The following AFF2 variants were observed in gnomAD, a reference collection of about 807,000 sequenced individuals.
The protein encoded by AFF2 is AF4/FMR2 family member 2.
Under a neutral mutation model 76.9 loss-of-function variants are expected in AFF2, and 14 were observed. The observed-to-expected ratio is 0.18, with a 90% CI of 0.12 to 0.28. The LOEUF (loss-of-function observed/expected upper bound fraction) is 0.28. Among genes scored for constraint, AFF2 ranks in the 10% least tolerant of loss-of-function variants. AFF2 has a pLI of 1.00. For missense variants in AFF2, 868 were observed against 1,001.1 expected (o/e 0.87, Z 1.79); for synonymous variants, 398 against 366.7 (o/e 1.09, Z -0.98).
At chrX:148,927,096 T>A (rs2071659399) in intron 9 of AFF2, among the ~76,000 whole-genome samples, 1 of 112,168 alleles carries the variant, frequency 8.9e-6, no homozygotes, top group African/African-American at 3.2e-5. Context: ...GATTTTTTCT[T>A]ATGGTATGCC....
At chrX:148,927,232 A>G (rs1557283868) in intron 9 of AFF2, among the ~76,000 whole-genome samples, 1 of 112,140 alleles carries the variant, frequency 8.9e-6, no homozygotes, top group African/African-American at 3.2e-5. Context: ...ATTTAGAGAG[A>G]GGCAGGGAGT....
intron 1 of AFF2, among the ~76,000 whole-genome samples, chrX:148,594,851 T>C (rs1378256140): frequency 1.8e-5 from 2 of 112,058 alleles, no homozygotes; most frequent in African/African-American, 6.5e-5. Flanking sequence ...AATGGAACTT[T>C]ATTTTTTGGA....
At chrX:148,692,708 G>C (rs1373029425) in intron 3 of AFF2, among the ~76,000 whole-genome samples, 1 of 111,140 alleles carries the variant, frequency 9.0e-6, no homozygotes, top group African/African-American at 3.3e-5. Context: ...TGCTTTCTTA[G>C]GTTTTCTCTT....
chrX:148,566,980 G>A (rs1557241725), intron 1 of AFF2, among the ~76,000 whole-genome samples: 1 of 111,588 alleles, frequency 9.0e-6, no homozygotes, highest in African/African-American at 3.3e-5. Context: ...TTTGTGTAAT[G>A]CCTGTCTGCC....
intron 9 of AFF2, among the ~76,000 whole-genome samples, chrX:148,944,135 C>A (rs1557285889): frequency 8.9e-6 from 1 of 112,380 alleles, no homozygotes. Context: ...CCTGTCTAAG[C>A]ATGCTTTGTA....
intron 8 of AFF2, among the ~76,000 whole-genome samples, chrX:148,899,774 G>T (rs1228645118): frequency 9.1e-6 from 1 of 109,415 alleles, no homozygotes; most frequent in Admixed American, 9.7e-5. Flanking sequence ...ATGAATACCT[G>T]AGTCCACTGC....
In AFF2 at chrX:148,678,043, A is replaced by G. The variant is rs182057182; in HGVS notation, c.1041+15275A>G. Reference sequence around the variant, plus strand: ...GATTGCAATTATGTTTTTTTCAAATATAGAGAAATTAATCATAATGTATTT... The same window carrying G: ...GATTGCAATTATGTTTTTTTCAAATGTAGAGAAATTAATCATAATGTATTT... On this transcript the variant is annotated intron_variant, in intron 3 of 20. Coordinates refer to ENST00000370460, the MANE Select transcript of AFF2 (RefSeq NM_002025.4). Among the ~76,000 whole-genome samples the G allele has an allele frequency of 4.5e-5, 5 of 112,297 alleles. No individual in the cohort carries two copies. The East Asian group carries it at 1.4e-3, about 31-fold the overall frequency.
Position 148,958,545 on chromosome X carries a change from G to T in AFF2, c.2690+87G>T, listed in dbSNP as rs1204893009. The T allele has an allele frequency of 2.2e-5, 24 of 1,088,259 alleles. No individual in the cohort carries two copies. The African/African-American group carries it at 4.5e-4, about 20-fold the overall frequency. 89.7% of individuals were successfully genotyped at this position (1,088,259 alleles called of 1,213,427 possible). A position where few individuals can be genotyped will look rare whatever the true frequency, so the allele number is the denominator to read the frequency against. The stretch of plus-strand genomic sequence containing the variant: ...TAATTGAACCTGTTTGGGGGATCTT[G>T]CCCCAGAAGACTTTAAGGTAAAAAA... On this transcript the variant is annotated intron_variant, in intron 12 of 20. Coordinates refer to ENST00000370460, the MANE Select transcript of AFF2 (RefSeq NM_002025.4).
chrX:148,803,531 C>G (rs781842879), intron 3 of AFF2, among the ~76,000 whole-genome samples: 1 of 111,730 alleles, frequency 9.0e-6, no homozygotes, highest in Non-Finnish European at 1.9e-5. Flanking sequence ...TGATTTCTAA[C>G]AGTAATATTT....
At chrX:148,773,510 G>C (rs368940367) in intron 3 of AFF2, among the ~76,000 whole-genome samples, 24 of 109,297 alleles carry the variant, frequency 2.2e-4, no homozygotes, top group African/African-American at 7.3e-4. Flanking sequence ...AGCCTCCTGA[G>C]TAGTAAATGA....
chrX:148,728,607 G>A (rs1216230491), intron 3 of AFF2, among the ~76,000 whole-genome samples: 1 of 112,395 alleles, frequency 8.9e-6, no homozygotes, highest in Non-Finnish European at 1.9e-5. Context: ...TTTTTCCGAT[G>A]AATATGCCAG....
chrX:148,665,549 AAATAGGAGG>A (rs2054349466), intron 3 of AFF2, among the ~76,000 whole-genome samples: 1 of 111,716 alleles, frequency 9.0e-6, no homozygotes, highest in African/African-American at 3.3e-5. Context: ...TGAAAACCAA[AAATAGGAGG>A]AAAGGAAAAG....
intron 7 of AFF2, among the ~76,000 whole-genome samples, chrX:148,878,120 C>T (rs144341682): frequency 1.4e-3 from 161 of 111,476 alleles, no homozygotes; most frequent in African/African-American, 4.9e-3. Flanking sequence ...GGTTTGTCTC[C>T]AAAGAGAATG....
intron 1 of AFF2, among the ~76,000 whole-genome samples, chrX:148,600,594 C>T (rs916636362): frequency 8.9e-6 from 1 of 112,184 alleles, no homozygotes; most frequent in African/African-American, 3.2e-5. Context: ...ATTAATCGTT[C>T]AGTAGTGGCA....
chrX:148,652,248 T>A lies in AFF2; in HGVS notation c.180+117T>A. 5 of 599,972 alleles carry A rather than the reference T, an allele frequency of 8.3e-6. No individual in the cohort carries two copies. In the Middle Eastern group the frequency reaches 1.3e-3, roughly 155 times the overall value. 49.4% of individuals were successfully genotyped at this position (599,972 alleles called of 1,213,427 possible). A position where few individuals can be genotyped will look rare whatever the true frequency, so the allele number is the denominator to read the frequency against. The stretch of plus-strand genomic sequence containing the variant: ...TTTCCAGGGGAATATATTTTACAAG[T>A]GAAATTTGTACATACACTGTATTTG... On this transcript the variant is annotated intron_variant, in intron 2 of 20. Transcript: ENST00000370460.
intron 7 of AFF2, among the ~76,000 whole-genome samples, chrX:148,879,523 T>A (rs782070391): frequency 5.4e-5 from 6 of 111,967 alleles, no homozygotes; most frequent in Admixed American, 4.8e-4. Flanking sequence ...TTGAAAATCA[T>A]TGGCTTAAAG....
chrX:148,827,023 G>T (rs782600934), intron 4 of AFF2, among the ~76,000 whole-genome samples: 1 of 111,471 alleles, frequency 9.0e-6, no homozygotes, highest in Admixed American at 9.6e-5. Flanking sequence ...TGATAGATTT[G>T]TTAGTTAATT....
chrX:148,645,297 A>G (rs2054134166), intron 1 of AFF2, among the ~76,000 whole-genome samples: 1 of 112,175 alleles, frequency 8.9e-6, no homozygotes. Context: ...TTTTTTGATA[A>G]CTATCATATG....
intron 1 of AFF2, among the ~76,000 whole-genome samples, chrX:148,594,135 G>A (rs1311732229): frequency 9.1e-6 from 1 of 110,411 alleles, no homozygotes; most frequent in Non-Finnish European, 1.9e-5. Flanking sequence ...TTGAAAAGCT[G>A]TAGACATGCA....
Sources: allele counts gnomAD v4.1 joint callset (sites outside exome capture counted in the v4.1 genomes callset), GRCh38; gene constraint gnomAD v4.1.1; transcripts MANE v1.5; gene names NCBI Gene and HGNC (gene_info 2026-07-23, HGNC 2026-07-21).